SEMA4A: variants seen among roughly 807,000 people sequenced by gnomAD.
SEMA4A encodes semaphorin 4A.
In SEMA4A, 52 loss-of-function variants were observed where a neutral mutation model predicts 72.5. The observed-to-expected ratio is 0.72, with a 90% confidence interval of 0.57 to 0.90. SEMA4A has a LOEUF of 0.90. Ranked by LOEUF, SEMA4A falls within the 40% of genes least tolerant of loss-of-function variation. SEMA4A has a pLI of 0.00. For synonymous variants in SEMA4A, 369 were observed against 393.1 expected (o/e 0.94, Z 0.73); for missense variants, 926 against 959.7 (o/e 0.96, Z 0.46).
chr1:156,167,780 A>T (rs776072058), intron 10 of SEMA4A, among the ~76,000 whole-genome samples: 1 of 152,156 alleles, frequency 6.6e-6, no homozygotes, highest in Admixed American at 6.5e-5. Flanking sequence ...TGTGAAGGAA[A>T]GACTCTTCTT....
intron 2 of SEMA4A, chr1:156,154,938 C>A: frequency 1.6e-6 from 1 of 617,010 alleles, no homozygotes; most frequent in Non-Finnish European, 2.7e-6. Context: ...TTGAGGAAAA[C>A]AGGTGGCCAC....
chr1:156,176,192 A>T (rs1410507929), intron 14 of SEMA4A, among the ~76,000 whole-genome samples: 1 of 151,600 alleles, frequency 6.6e-6, no homozygotes, highest in African/African-American at 2.4e-5. Flanking sequence ...GGGTGGAAGG[A>T]TGCCTTGAGC....
rs1402681247 is a variant in SEMA4A, at chr1:156,156,483, G to A, written c.209G>A (p.Ser70Asn). The change falls in exon 3 of 15, where the codon AGT (serine) becomes AAT (asparagine). Residue 70 changes from serine (S) to asparagine (N), a missense_variant. Ser to Asn is a conservative substitution (Grantham distance 46, BLOSUM62 1). Coordinates refer to ENST00000368285, the MANE Select transcript of SEMA4A (RefSeq NM_022367.4). ...GLQDFDTLLL[S>N]GDGNTLYVGA... ...CAGGATTTTGACACTCTGCTCCTGAGTGGTGATGGAAATACTCTCTACGTG... is the reference window on the plus strand; with the variant it reads ...CAGGATTTTGACACTCTGCTCCTGAATGGTGATGGAAATACTCTCTACGTG... 4 of 1,614,182 alleles carry A rather than the reference G, an allele frequency of 2.5e-6. No individual in the cohort carries two copies. Among genetic ancestry groups the A allele is most frequent in the Non-Finnish European group, 3.4e-6 (4 of 1,180,036 alleles).
At chr1:156,158,539 T>C (rs1653265554) in intron 5 of SEMA4A, 53 bp downstream of exon 5, 1 of 1,447,220 alleles carries the variant, frequency 6.9e-7, no homozygotes, top group Non-Finnish European at 9.7e-7. Context: ...TTCTCACATC[T>C]ACCCACGACT....
chr1:156,151,545 G>A (rs780204476), upstream of SEMA4A, among the ~76,000 whole-genome samples: 3 of 152,106 alleles, frequency 2.0e-5, no homozygotes, highest in Non-Finnish European at 4.4e-5. Context: ...TAAGGGCCAC[G>A]CTTGGGGCTG....
In SEMA4A at chr1:156,175,099, T is replaced by C; in HGVS notation, c.1448T>C (p.Val483Ala). Residue 483 changes from valine to alanine, a missense_variant, in exon 13 of 15, where the codon GTA becomes GCA. Transcript: ENST00000368285. ...TCTCTCTTCCAGGGTGCAGTGTTTG[T>C]AGGCTTCTCAGGAGGTGTCTGGAGG... ...QLAPTQGAVF[V>A]GFSGGVWRVP... The C allele has an allele frequency of 6.2e-7, 1 of 1,614,198 alleles. No homozygotes were observed. Among genetic ancestry groups the C allele is most frequent in the Non-Finnish European group, 8.5e-7 (1 of 1,180,026 alleles).
At position 156,174,859 on chromosome 1, in the gene SEMA4A, C is replaced by T. The variant is rs1330595068; in HGVS notation, c.1353C>T (p.Asp451=). ...TCCACAAGGCTGTGGTAAGTGGGGA[C>T]AGCAGTGCTCATCTGGTGGAAGAGA... ...GSLHKAVVSG[D]SSAHLVEEIQ... Residue 451 remains aspartate (D), a synonymous_variant, in exon 12 of 15, where the codon GAC becomes GAT. Transcript: ENST00000368285. The T allele has an allele frequency of 8.7e-6, 14 of 1,614,204 alleles. No individual in the cohort carries two copies. In the East Asian group the frequency reaches 2.5e-4, roughly 28 times the overall value.
rs1286321334 is a variant in SEMA4A, at chr1:156,160,443, A to G, written c.569A>G (p.Asp190Gly). 2.5e-6 allele frequency: 4 copies of G among 1,611,628 alleles called. No homozygotes were observed. The highest frequency in any genetic ancestry group is 2.2e-5 in the East Asian group (1 of 44,830). The change falls in exon 7 of 15, where the codon GAT (aspartate) becomes GGT (glycine). Residue 190 changes from aspartate to glycine, a missense_variant and splice_region_variant. Transcript: ENST00000368285. ...TCTCTTCTCCTCTCCTCCACCCTAG[A>G]TGGGATGCTCTATTCTGGTACTATG... ...PAHKHTAVLV[D>G]GMLYSGTMNN...
chr1:156,156,761 T>G (rs74809862), intron 3 of SEMA4A, among the ~76,000 whole-genome samples, 187 bp downstream of exon 3: 1 of 126,768 alleles, frequency 7.9e-6, no homozygotes, highest in Admixed American at 8.1e-5. Context: ...TTTTTTTTTT[T>G]GAGATGGAGT....
In SEMA4A at chr1:156,174,892, G is replaced by C. The variant is rs747036617; in HGVS notation, c.1386G>C (p.Leu462=). 1 of 1,614,212 alleles carries C rather than the reference G, an allele frequency of 6.2e-7. No individual in the cohort carries two copies. Among genetic ancestry groups the C allele is most frequent in the Middle Eastern group, 1.6e-4 (1 of 6,062 alleles). The part of the protein sequence containing the change: ...SSAHLVEEIQ[L]FPDPEPVRNL... ...CTCATCTGGTGGAAGAGATTCAGCT[G>C]TTCCCTGACCCTGAACCTGTTCGCA... is the stretch of plus-strand genomic sequence containing the variant. Residue 462 remains leucine, a synonymous_variant, in exon 12 of 15, where the codon CTG becomes CTC. Transcript: ENST00000368285.
In SEMA4A at chr1:156,163,003, G is replaced by A. The variant is rs373127284; in HGVS notation, c.1043G>A (p.Arg348His). The change falls in exon 10 of 15, where the codon CGT (arginine) becomes CAT (histidine). Residue 348 changes from arginine to histidine, a missense_variant. Coordinates refer to ENST00000368285, the MANE Select transcript of SEMA4A (RefSeq NM_022367.4). The part of the protein sequence containing the change: ...VCAFSLLDIE[R>H]VFKGKYKELN... ...GCCTTCTCTCTCTTGGACATTGAAC[G>A]TGTCTTTAAGGGGAAATACAAAGAG... The A allele has an allele frequency of 1.9e-6, 3 of 1,614,118 alleles. No homozygotes were observed. The South Asian group carries it at 3.3e-5, about 18-fold the overall frequency.
At chr1:156,165,327 T>A (rs2102975902) in intron 10 of SEMA4A, among the ~76,000 whole-genome samples, 1 of 152,286 alleles carries the variant, frequency 6.6e-6, no homozygotes, top group East Asian at 1.9e-4. Flanking sequence ...ACAGATCTCT[T>A]GTTTCTTGTG....
rs772775171 is a variant in SEMA4A at position 156,161,476 on chromosome 1, C to T, written c.941C>T (p.Ser314Phe). Residue 314 changes from serine to phenylalanine, a missense_variant, in exon 9 of 15, where the codon TCT becomes TTT. Physicochemically the swap from Ser to Phe is radical, Grantham distance 155. Transcript: ENST00000368285. ...CACGCGGTCCTGCTCCCCGCCGATTCTCCCACAGCTCCCCACATCTACGCA... is the reference window on the plus strand; with the variant it reads ...CACGCGGTCCTGCTCCCCGCCGATTTTCCCACAGCTCCCCACATCTACGCA... Reference protein sequence around the residue: ...IRHAVLLPADSPTAPHIYAVF... With the variant: ...IRHAVLLPADFPTAPHIYAVF... The T allele has an allele frequency of 6.2e-7, 1 of 1,614,090 alleles. No individual in the cohort carries two copies. Among genetic ancestry groups the T allele is most frequent in the Non-Finnish European group, 8.5e-7 (1 of 1,179,988 alleles).
rs556071844 is a variant in SEMA4A at position 156,168,540 on chromosome 1, GTTC to G, written c.1135-4271_1135-4269del. ...TGCCTGGCCTCTCAGGTTTTTGTTGGTTCTTCTTCTTCTTCTTTTTTTTTTCCC... is the reference window on the plus strand; with the variant it reads ...TGCCTGGCCTCTCAGGTTTTTGTTGGTTCTTCTTCTTCTTTTTTTTTTCCC... On this transcript the variant is annotated intron_variant, in intron 10 of 14. Coordinates refer to ENST00000368285, the MANE Select transcript of SEMA4A (RefSeq NM_022367.4). Among the ~76,000 whole-genome samples, 465 of 151,956 alleles carry G rather than the reference GTTC, an allele frequency of 3.1e-3. 4 individuals are homozygous for G. Among genetic ancestry groups the G allele is most frequent in the African/African-American group, 0.01 (428 of 41,450 alleles).
rs1252832458 is a variant in SEMA4A at position 156,160,508 on chromosome 1, C to A, written c.634C>A (p.Leu212Met). 6.2e-7 allele frequency: 1 copy of A among 1,614,056 alleles called. No individual in the cohort carries two copies. Among genetic ancestry groups the A allele is most frequent in the Non-Finnish European group, 8.5e-7 (1 of 1,180,036 alleles). ...CAGTGAGCCCATCCTGATGCGCACA[C>A]TGGGATCCCAGCCTGTCCTCAAGAC... ...LGSEPILMRT[L>M]GSQPVLKTDN... Residue 212 changes from leucine to methionine, a missense_variant, in exon 7 of 15, where the codon CTG becomes ATG. Coordinates refer to ENST00000368285, the MANE Select transcript of SEMA4A (RefSeq NM_022367.4).
At position 156,161,430 on chromosome 1, in the gene SEMA4A, C is replaced by T. The variant is rs1314474588; in HGVS notation, c.895C>T (p.Leu299=). The change falls in exon 9 of 15, where the codon CTG becomes TTG. Residue 299 remains leucine (L), a synonymous_variant. Coordinates refer to ENST00000368285, the MANE Select transcript of SEMA4A (RefSeq NM_022367.4). ...AQLLCTQPGQ[L]PFNVIRHAVL... ...GCTGCTCTGCACCCAGCCGGGGCAG[C>T]TGCCCTTCAACGTCATCCGCCACGC... 6.8e-6 allele frequency: 11 copies of T among 1,613,822 alleles called. No individual in the cohort carries two copies. In the Admixed American group the frequency reaches 1.5e-4, roughly 22 times the overall value.
chr1:156,151,838 CAAAAAAA>C (rs546304826), upstream of SEMA4A, among the ~76,000 whole-genome samples: 6 of 17,524 alleles, frequency 3.4e-4, no homozygotes, highest in Admixed American at 6.9e-4. Flanking sequence ...CACTTCGTCT[CAAAAAAA>C]AAAAAAAAAA....
At chr1:156,147,727 A>G (rs569446969), upstream of SEMA4A, among the ~76,000 whole-genome samples, 1 of 152,256 alleles carries the variant, frequency 6.6e-6, no homozygotes, top group East Asian at 1.9e-4. Context: ...AATCAAAGAC[A>G]CAGGGTCCCA....
chr1:156,154,542 T>C lies in SEMA4A; in HGVS notation c.-29-8T>C. 6.3e-7 allele frequency: 1 copy of C among 1,599,792 alleles called. No homozygotes were observed. The highest frequency in any genetic ancestry group is 1.1e-5 in the South Asian group (1 of 89,250). On this transcript the variant is annotated splice_region_variant and splice_polypyrimidine_tract_variant and intron_variant, in intron 1 of 14. Transcript: ENST00000368285. Reference sequence around the variant, plus strand: ...ACCCAGAAAGTGCCCGGGTGCCTGTTTCCCCAGAGCTCCCTGGTGACAGTC... The same window carrying C: ...ACCCAGAAAGTGCCCGGGTGCCTGTCTCCCCAGAGCTCCCTGGTGACAGTC...
Sources: gnomAD v4.1 joint callset for allele counts (sites outside exome capture counted in the v4.1 genomes callset) on GRCh38, gnomAD v4.1.1 for gene constraint, MANE v1.5 for transcripts, NCBI Gene and HGNC (gene_info 2026-07-23, HGNC 2026-07-21) for gene names.